Variants in ZNF710 observed in about 807,000 individuals in gnomAD.
The protein encoded by ZNF710 is zinc finger protein 710.
In ZNF710, 13 loss-of-function variants were observed where a neutral mutation model predicts 50.6. That is an observed-to-expected ratio of 0.26 (90% CI 0.17 to 0.41). ZNF710 has a LOEUF of 0.41. ZNF710 is among the 10% of genes least tolerant of loss of function. The pLI is 1.00. For missense variants in ZNF710, 721 were observed against 936.6 expected (o/e 0.77, Z 3.01); for synonymous variants, 383 against 397.0 (o/e 0.96, Z 0.42).
In ZNF710 at chr15:90,037,959, G is replaced by A. The variant is rs117846528; in HGVS notation, c.-28-29151G>A. On this transcript the variant is annotated intron_variant, in intron 1 of 4. Transcript: ENST00000268154. ...GAGGTGAAGAGGCAGTGAGGGTCTG[G>A]TGTCTACTCCCCTTTAACCACAGGC... 5.0e-3 allele frequency among the ~76,000 whole-genome samples: 767 copies of A among 152,336 alleles called. 4 individuals are homozygous for A. The highest frequency in any genetic ancestry group is 9.3e-3 in the Non-Finnish European group (636 of 68,022).
intron 1 of ZNF710, among the ~76,000 whole-genome samples, chr15:90,053,965 G>T (rs1378268535): frequency 6.6e-6 from 1 of 152,200 alleles, no homozygotes; most frequent in Non-Finnish European, 1.5e-5. Flanking sequence ...ACCCGAGAGA[G>T]AGAAGGCCGG....
chr15:90,027,421 G>C (rs1048536033), intron 1 of ZNF710, among the ~76,000 whole-genome samples: 1 of 152,078 alleles, frequency 6.6e-6, no homozygotes, highest in Non-Finnish European at 1.5e-5. Flanking sequence ...TGTTGGTCAG[G>C]CTTGTCTCAA....
At chr15:90,001,710 T>G (rs1381274984) in intron 1 of ZNF710, 96 bp downstream of exon 1, 1 of 135,032 alleles carries the variant, frequency 7.4e-6, no homozygotes, top group East Asian at 2.3e-4. Context: ...CGGGGGTGGG[T>G]CGCTGCGGCC....
intron 1 of ZNF710, among the ~76,000 whole-genome samples, chr15:90,024,730 G>A (rs776616794): frequency 7.2e-5 from 11 of 152,148 alleles, no homozygotes; most frequent in African/African-American, 2.4e-4. Context: ...TCTTCTGAGG[G>A]TGGGCAGGTA....
intron 1 of ZNF710, among the ~76,000 whole-genome samples, chr15:90,037,034 T>C (rs1899149831): frequency 6.6e-6 from 1 of 151,274 alleles, no homozygotes; most frequent in Non-Finnish European, 1.5e-5. Flanking sequence ...AGGCTGGAGA[T>C]GGGAGGTCAG....
Position 90,068,451 on chromosome 15 carries a change from C to G in ZNF710, c.1314C>G (p.Leu438=). Residue 438 remains leucine (L), a synonymous_variant, in exon 2 of 5, where the codon CTC becomes CTG. Coordinates refer to ENST00000268154, the MANE Select transcript of ZNF710 (RefSeq NM_198526.4). This position sits in a 1 kb window ranked among gnomAD's most constrained non-coding sequence, Gnocchi z 5.0. ...SHQGPTLYQC[L]ECDKSFHYRS... is the part of the protein sequence containing the mutation. ...AGGGCCCCACCCTCTACCAGTGCCT[C>G]GAGTGTGACAAGTCCTTCCACTACC... 6.2e-7 allele frequency: 1 copy of G among 1,614,138 alleles called. No individual in the cohort carries two copies. Among genetic ancestry groups the G allele is most frequent in the South Asian group, 1.1e-5 (1 of 91,092 alleles).
At chr15:90,043,107 A>C (rs1051495991) in intron 1 of ZNF710, among the ~76,000 whole-genome samples, 26 of 152,306 alleles carry the variant, frequency 1.7e-4, no homozygotes, top group Non-Finnish European at 1.3e-4. Flanking sequence ...CCTTCACCCC[A>C]CACCCCACCG....
At chr15:90,046,070 G>A (rs1412546879) in intron 1 of ZNF710, among the ~76,000 whole-genome samples, 3 of 152,138 alleles carry the variant, frequency 2.0e-5, no homozygotes, top group Non-Finnish European at 4.4e-5. Context: ...CCAGGAAAAG[G>A]CATGGTCTCT....
At chr15:90,007,678 G>A (rs1386488670) in intron 1 of ZNF710, among the ~76,000 whole-genome samples, 1 of 150,664 alleles carries the variant, frequency 6.6e-6, no homozygotes, top group Non-Finnish European at 1.5e-5. Context: ...GATCTAGTAA[G>A]CCTCAGAGCC....
chr15:90,005,177 C>A (rs1217937601), intron 1 of ZNF710, among the ~76,000 whole-genome samples: 1 of 152,068 alleles, frequency 6.6e-6, no homozygotes. Flanking sequence ...AGCCCCTGTG[C>A]CTAGAATAGG....
intron 1 of ZNF710, among the ~76,000 whole-genome samples, chr15:90,054,573 AC>A (rs1899751407): frequency 1.3e-5 from 2 of 151,778 alleles, no homozygotes; most frequent in African/African-American, 2.4e-5. Context: ...TGGAAATGGT[AC>A]CCCCCATCCC....
chr15:90,070,688 C>G (rs1360393200), intron 2 of ZNF710, among the ~76,000 whole-genome samples: 1 of 151,918 alleles, frequency 6.6e-6, no homozygotes, highest in Non-Finnish European at 1.5e-5. Flanking sequence ...GGCATGGTGG[C>G]ACACACCTGT....
chr15:90,042,034 A>T (rs1366191095), intron 1 of ZNF710, among the ~76,000 whole-genome samples: 2 of 151,242 alleles, frequency 1.3e-5, no homozygotes, highest in African/African-American at 2.4e-5. Flanking sequence ...GGTAGCTGGG[A>T]TTACAGGCGC....
intron 1 of ZNF710, among the ~76,000 whole-genome samples, chr15:90,030,844 G>A (rs759682753): frequency 5.9e-5 from 9 of 151,816 alleles, no homozygotes; most frequent in Non-Finnish European, 8.8e-5. Flanking sequence ...GTGAAACCCC[G>A]TCTCTACTTA....
chr15:90,067,635 C>G lies in ZNF710; in HGVS notation c.498C>G (p.Arg166=). 4 of 1,612,546 alleles carry G rather than the reference C, an allele frequency of 2.5e-6. No homozygotes were observed. The highest frequency in any genetic ancestry group is 3.4e-6 in the Non-Finnish European group (4 of 1,179,436). The change falls in exon 2 of 5, where the codon CGC becomes CGG. Residue 166 remains arginine, a synonymous_variant. Transcript: ENST00000268154. The surrounding 1 kb of genome is among the most constrained non-coding windows in gnomAD (Gnocchi z 8.1). ...VKMIDLSAFS[R]KPRTLRHLPR... is the part of the protein sequence containing the mutation. Reference sequence around the variant, plus strand: ...TGATCGACCTCAGCGCCTTCAGCCGCAAGCCCCGGACGCTCCGGCATCTGC... The same window carrying G: ...TGATCGACCTCAGCGCCTTCAGCCGGAAGCCCCGGACGCTCCGGCATCTGC...
Position 90,081,231 on chromosome 15 carries a change from CCT to C in ZNF710, c.*1405_*1406del, listed in dbSNP as rs1482215516. 6.5e-6 allele frequency: 1 copy of C among 152,892 alleles called. No homozygotes were observed. The highest frequency in any genetic ancestry group is 1.5e-5 in the Non-Finnish European group (1 of 68,576). The allele number at this position is 152,892 out of a possible 1,614,324, so 9.5% of individuals were successfully genotyped here. A position where few individuals can be genotyped will look rare whatever the true frequency, so the allele number is the denominator to read the frequency against. Reference sequence around the variant, plus strand: ...CTCCCTCGCTCGCCTGCTCTCTTCCCCTCTGTTCCCACGCCAGCTCCTGCCCC... The same window carrying C: ...CTCCCTCGCTCGCCTGCTCTCTTCCCCTGTTCCCACGCCAGCTCCTGCCCC... On this transcript the variant is annotated 3_prime_UTR_variant, in exon 5 of 5. Transcript: ENST00000268154.
chr15:90,051,238 C>CAA (rs61250352), intron 1 of ZNF710, among the ~76,000 whole-genome samples: 15 of 79,064 alleles, frequency 1.9e-4, no homozygotes, highest in Admixed American at 1.4e-4. Flanking sequence ...GACTCCGTCT[C>CAA]AAAAAAAAAA....
At chr15:90,065,405 A>G (rs369328843) in intron 1 of ZNF710, among the ~76,000 whole-genome samples, 15 of 152,280 alleles carry the variant, frequency 9.9e-5, no homozygotes, top group African/African-American at 3.6e-4. Context: ...CCAGGTGTTG[A>G]ACCAGGGCAA....
intron 1 of ZNF710, among the ~76,000 whole-genome samples, chr15:90,030,350 A>AAAAAAAAG (rs1898901582): frequency 6.6e-6 from 1 of 150,650 alleles, no homozygotes; most frequent in East Asian, 2.0e-4. Context: ...AAAAAAAAAA[A>AAAAAAAAG]AAAGAAAGAA....
Sources: gnomAD v4.1 joint callset for allele counts (sites outside exome capture counted in the v4.1 genomes callset) on GRCh38, gnomAD v4.1.1 for gene constraint, Gnocchi (gnomAD v3.1) non-coding constraint, MANE v1.5 for transcripts, NCBI Gene and HGNC (gene_info 2026-07-23, HGNC 2026-07-21) for gene names.